The following ANXA8 variants were observed in gnomAD, a reference collection of about 807,000 sequenced individuals.
The protein encoded by ANXA8 is VAC-beta.
ANXA8 carries 9 observed loss-of-function variants against 26.8 expected under a neutral mutation model. That is an observed-to-expected ratio of 0.34 (90% CI 0.20 to 0.59). ANXA8 has a LOEUF of 0.59. Among genes scored for constraint, ANXA8 ranks in the 20% least tolerant of loss-of-function variants. ANXA8 has a pLI of 0.84. For missense variants in ANXA8, 83 were observed against 238.5 expected, an observed-to-expected ratio of 0.35 and a Z score of 4.29; for synonymous variants, 39 against 94.8, an observed-to-expected ratio of 0.41 and a Z score of 3.42.
the ANXA8 span, among the ~76,000 whole-genome samples, chr10:47,980,978 T>C: frequency 9.5e-3 from 1,441 of 150,988 alleles, 15 homozygotes; most frequent in African/African-American, 0.033. Context: ...GTCATTATTC[T>C]CATGATACCA....
chr10:47,502,704 C>G, the ANXA8 span: 7 of 1,608,438 alleles, frequency 4.4e-6, no homozygotes, highest in Non-Finnish European at 5.9e-6. Flanking sequence ...AGTGGGCGTT[C>G]CCACGCATGT....
chr10:47,559,562 T>C, the ANXA8 span, among the ~76,000 whole-genome samples: 1 of 151,862 alleles, frequency 6.6e-6, no homozygotes, highest in Non-Finnish European at 1.5e-5. Context: ...TGTGGGTACA[T>C]TGTGTCTTAT....
At chr10:47,682,190 T>C in the ANXA8 span, among the ~76,000 whole-genome samples, 1 of 130,928 alleles carries the variant, frequency 7.6e-6, no homozygotes, top group African/African-American at 2.9e-5. Context: ...GTTATTTAAA[T>C]ATTTTAACAG....
the ANXA8 span, chr10:47,502,877 C>G: frequency 1.2e-6 from 2 of 1,604,682 alleles, no homozygotes; most frequent in East Asian, 4.6e-5. Flanking sequence ...CACGTTTGGC[C>G]AGTGGCAGAC....
chr10:47,474,037 G>C lies in ANXA8; in HGVS notation c.675C>G (p.Asn225Lys). The C allele has an allele frequency of 1.8e-6, 1 of 550,216 alleles. No individual in the cohort carries two copies. Among genetic ancestry groups the C allele is most frequent in the Non-Finnish European group, 3.1e-6 (1 of 318,388 alleles). The allele number at this position is 550,216 out of a possible 1,614,324, so 34.1% of individuals were successfully genotyped here. The stretch of plus-strand genomic sequence containing the variant: ...TCTTGATGCTGTCCTCAATGCTCTT[G>C]TTGGCAATTTTCTCATACTCTTCAA... ...RVFEEYEKIANKSIEDSIKSE... is the reference protein window; with the variant it reads ...RVFEEYEKIAKKSIEDSIKSE... The change falls in exon 9 of 12, where the codon AAC (asparagine) becomes AAG (lysine). Residue 225 changes from asparagine (N) to lysine (K), a missense_variant. Physicochemically the swap from Asn to Lys is moderately conservative, Grantham distance 94. Coordinates refer to ENST00000585281, the MANE Select transcript of ANXA8 (RefSeq NM_001040084.3).
chr10:47,720,936 C>A, the ANXA8 span, among the ~76,000 whole-genome samples: 1 of 135,668 alleles, frequency 7.4e-6, no homozygotes, highest in Admixed American at 7.6e-5. Context: ...CGCTTGAGCC[C>A]AGGGGTTCAA....
the ANXA8 span, among the ~76,000 whole-genome samples, chr10:47,646,127 T>C: frequency 6.7e-6 from 1 of 149,018 alleles, no homozygotes; most frequent in Admixed American, 6.6e-5. Context: ...CTTTATCTCA[T>C]CTGTCTCTAT....
the ANXA8 span, among the ~76,000 whole-genome samples, chr10:47,687,074 A>G: frequency 3.3e-5 from 5 of 151,490 alleles, no homozygotes; most frequent in African/African-American, 9.7e-5. Context: ...ATTGCACTCC[A>G]GCCTGGGTGA....
the ANXA8 span, among the ~76,000 whole-genome samples, chr10:47,639,123 T>C: frequency 6.7e-6 from 1 of 149,096 alleles, no homozygotes; most frequent in East Asian, 1.9e-4. Flanking sequence ...GTTTTTTGTT[T>C]TTGTTTTTTT....
At chr10:47,517,311 C>T in the ANXA8 span, among the ~76,000 whole-genome samples, 6 of 78,448 alleles carry the variant, frequency 7.6e-5, no homozygotes, top group African/African-American at 3.1e-4. Flanking sequence ...TTCGCTCTGT[C>T]GCCCAGGCTG....
At chr10:47,975,950 T>C in the ANXA8 span, among the ~76,000 whole-genome samples, 3 of 149,218 alleles carry the variant, frequency 2.0e-5, no homozygotes, top group African/African-American at 4.9e-5. Flanking sequence ...AGAACAACTT[T>C]CCTGAAATAA....
At chr10:47,552,127 T>G in the ANXA8 span, among the ~76,000 whole-genome samples, 18 of 151,770 alleles carry the variant, frequency 1.2e-4, 1 homozygote, top group Non-Finnish European at 4.4e-5. Context: ...TCTGTTATGC[T>G]ATAAATTAGA....
At chr10:47,701,564 T>C in the ANXA8 span, among the ~76,000 whole-genome samples, 1 of 151,794 alleles carries the variant, frequency 6.6e-6, no homozygotes, top group Non-Finnish European at 1.5e-5. Context: ...TATGGAGTGA[T>C]TCCCAGGACA....
At chr10:47,898,842 T>TTTA in the ANXA8 span, among the ~76,000 whole-genome samples, 1 of 138,856 alleles carries the variant, frequency 7.2e-6, no homozygotes, top group Non-Finnish European at 1.5e-5. Context: ...TTTTTTTTTT[T>TTTA]AGATGTGGTC....
At chr10:47,637,746 T>G in the ANXA8 span, among the ~76,000 whole-genome samples, 7 of 121,162 alleles carry the variant, frequency 5.8e-5, no homozygotes, top group East Asian at 4.5e-4. Flanking sequence ...TACACACAAA[T>G]GAGATCACTG....
At chr10:47,563,750 T>C in the ANXA8 span, 5 of 825,998 alleles carry the variant, frequency 6.1e-6, no homozygotes, top group African/African-American at 1.7e-5. Context: ...AACATGTTAC[T>C]GTTAAGATGC....
chr10:47,687,792 T>C, the ANXA8 span, among the ~76,000 whole-genome samples: 2 of 151,856 alleles, frequency 1.3e-5, no homozygotes, highest in Non-Finnish European at 2.9e-5. Flanking sequence ...TAGTGATTCT[T>C]AATCATTTTT....
chr10:47,777,564 C>A, the ANXA8 span, among the ~76,000 whole-genome samples: 1 of 152,188 alleles, frequency 6.6e-6, no homozygotes, highest in Non-Finnish European at 1.5e-5. Context: ...TGGTGGGAAA[C>A]CTCATCCAGA....
At position 47,484,109 on chromosome 10, in the gene ANXA8, G is replaced by A. The variant is rs1463997115; in HGVS notation, c.-176C>T. Reference sequence around the variant, plus strand: ...ACCTGCCTGCCGTCCCCTCGCCCCCGGGCTCTGCCTGGCTTTGGGCATCTC... The same window carrying A: ...ACCTGCCTGCCGTCCCCTCGCCCCCAGGCTCTGCCTGGCTTTGGGCATCTC... On this transcript the variant is annotated 5_prime_UTR_variant, in exon 1 of 12. Coordinates refer to ENST00000585281, the MANE Select transcript of ANXA8 (RefSeq NM_001040084.3). 32 of 1,536,950 alleles carry A rather than the reference G, an allele frequency of 2.1e-5. No homozygotes were observed. The highest frequency in any genetic ancestry group is 5.7e-5 in the South Asian group (5 of 88,116).
Sources: allele counts gnomAD v4.1 joint callset (sites outside exome capture counted in the v4.1 genomes callset), GRCh38; gene constraint gnomAD v4.1.1; transcripts MANE v1.5; gene names NCBI Gene and HGNC (gene_info 2026-07-23, HGNC 2026-07-21).